The following CHST9 variants were observed in gnomAD, a reference collection of about 807,000 sequenced individuals.
CHST9 encodes GalNAc-4-sulfotransferase 2.
A neutral mutation model predicts 44.4 loss-of-function variants in CHST9; 41 were observed. The observed-to-expected ratio is 0.92, with a 90% confidence interval of 0.72 to 1.20. The LOEUF (loss-of-function observed/expected upper bound fraction) is 1.20, where lower values mean the gene tolerates loss of function less well. Among genes scored for constraint, CHST9 ranks in the 50% most tolerant of loss-of-function variants. CHST9 has a pLI of 0.00. For synonymous variants in CHST9, 171 were observed against 178.4 expected, an observed-to-expected ratio of 0.96 and a Z score of 0.33; for missense variants, 504 against 516.5, an observed-to-expected ratio of 0.98 and a Z score of 0.23.
chr18:27,141,324 C>T (rs142113185), intron 2 of CHST9, among the ~76,000 whole-genome samples: 20 of 151,248 alleles, frequency 1.3e-4, no homozygotes, highest in South Asian at 6.3e-4. Flanking sequence ...GAGATCGCGC[C>T]ACTGCACTCC....
At chr18:27,108,978 C>T (rs190255350) in intron 2 of CHST9, among the ~76,000 whole-genome samples, 2 of 152,288 alleles carry the variant, frequency 1.3e-5, no homozygotes, top group African/African-American at 4.8e-5. Flanking sequence ...TACTACAGTC[C>T]TTACTACGCA....
At chr18:27,158,677 C>G (rs1447449645) in intron 1 of CHST9, among the ~76,000 whole-genome samples, 1 of 151,998 alleles carries the variant, frequency 6.6e-6, no homozygotes. Context: ...GAGGAATCGC[C>G]ACACTGACTT....
intron 3 of CHST9, among the ~76,000 whole-genome samples, chr18:27,040,862 G>A (rs934574630): frequency 7.2e-5 from 11 of 152,092 alleles, no homozygotes. Flanking sequence ...TACCCTGTGT[G>A]AAAATCAGGT....
At chr18:27,001,846 A>G (rs775868929) in intron 4 of CHST9, among the ~76,000 whole-genome samples, 2 of 152,202 alleles carry the variant, frequency 1.3e-5, no homozygotes, top group African/African-American at 2.4e-5. Flanking sequence ...GAGGAATGGC[A>G]TAGAATCAGA....
At chr18:27,053,137 GAAGAAGAAGAAGAA>G (rs1568150802) in intron 2 of CHST9, among the ~76,000 whole-genome samples, 13 of 83,794 alleles carry the variant, frequency 1.6e-4, no homozygotes, top group African/African-American at 4.6e-4. Flanking sequence ...AGAGGAAGAA[GAAGAAGAAGAAGAA>G]GAAGAAGAAG....
intron 2 of CHST9, among the ~76,000 whole-genome samples, chr18:27,131,569 A>T (rs1057033019): frequency 6.6e-6 from 1 of 152,100 alleles, no homozygotes; most frequent in Non-Finnish European, 1.5e-5. Flanking sequence ...AAAACAGAAC[A>T]AAAAAACAAA....
intron 2 of CHST9, among the ~76,000 whole-genome samples, chr18:27,110,915 A>T (rs1241741245): frequency 6.6e-6 from 1 of 152,210 alleles, no homozygotes; most frequent in African/African-American, 2.4e-5. Context: ...ACATTTTCAG[A>T]AACTCTGGAG....
Position 27,041,897 on chromosome 18 carries a change from C to T in CHST9, c.160+6568G>A, listed in dbSNP as rs577390784. On this transcript the variant is annotated intron_variant, in intron 3 of 5. Coordinates refer to ENST00000618847, the MANE Select transcript of CHST9 (RefSeq NM_031422.6). ...GTCTTCCATTTTGAGGAAGGGAAAA[C>T]GCATCTAAGAGACTTCATTTCATTC... Among the ~76,000 whole-genome samples, 10 of 152,188 alleles carry T rather than the reference C, an allele frequency of 6.6e-5. No homozygotes were observed. In the East Asian group the frequency reaches 1.4e-3, roughly 21 times the overall value.
intron 2 of CHST9, among the ~76,000 whole-genome samples, chr18:27,084,465 T>C (rs1598710053): frequency 6.6e-6 from 1 of 151,304 alleles, no homozygotes; most frequent in Non-Finnish European, 1.5e-5. Context: ...TGGGTTTTTT[T>C]TTTTTTATTT....
intron 3 of CHST9, 85 bp from the exon 4 acceptor site, chr18:27,024,242 G>A: frequency 9.5e-7 from 1 of 1,048,752 alleles, no homozygotes. Context: ...ATGCCTCAAA[G>A]CCTCTCATAT....
At chr18:27,085,627 T>TG (rs1341822739) in intron 2 of CHST9, among the ~76,000 whole-genome samples, 1 of 152,120 alleles carries the variant, frequency 6.6e-6, no homozygotes, top group Admixed American at 6.5e-5. Flanking sequence ...CAACAGATGT[T>TG]GGCAAGGTTG....
chr18:26,951,446 G>T (rs1025137677), intron 4 of CHST9, among the ~76,000 whole-genome samples: 2 of 152,148 alleles, frequency 1.3e-5, no homozygotes, highest in Admixed American at 1.3e-4. Context: ...TTATGATTCT[G>T]CATTTCAGAA....
chr18:26,973,427 A>G (rs1311500547), intron 4 of CHST9, among the ~76,000 whole-genome samples: 1 of 152,212 alleles, frequency 6.6e-6, no homozygotes, highest in Non-Finnish European at 1.5e-5. Flanking sequence ...CAGTGCGTAG[A>G]AGGCCCCGGG....
chr18:26,967,927 C>T (rs140339346), intron 4 of CHST9, among the ~76,000 whole-genome samples: 88 of 152,312 alleles, frequency 5.8e-4, no homozygotes, highest in African/African-American at 2.1e-3. Flanking sequence ...TGGATGCTTC[C>T]TGCCCTCGAA....
At chr18:27,040,969 A>T (rs2057438627) in intron 3 of CHST9, among the ~76,000 whole-genome samples, 1 of 152,148 alleles carries the variant, frequency 6.6e-6, no homozygotes, top group Non-Finnish European at 1.5e-5. Context: ...TGACACTTTC[A>T]GCTAGTCAAA....
At chr18:27,149,890 C>A (rs905200825) in intron 1 of CHST9, among the ~76,000 whole-genome samples, 1 of 151,948 alleles carries the variant, frequency 6.6e-6, no homozygotes, top group Admixed American at 6.6e-5. Context: ...GTTCAAGTTT[C>A]ATTTTTCTTT....
intron 3 of CHST9, among the ~76,000 whole-genome samples, chr18:27,035,357 T>C (rs953538466): frequency 2.0e-5 from 3 of 152,196 alleles, no homozygotes; most frequent in Non-Finnish European, 4.4e-5. Flanking sequence ...ATGGTTTTTG[T>C]TGTTATTTTT....
chr18:27,143,220 A>G (rs1201847547), intron 1 of CHST9, among the ~76,000 whole-genome samples: 1 of 152,212 alleles, frequency 6.6e-6, no homozygotes, highest in Non-Finnish European at 1.5e-5. Flanking sequence ...AATAATTGCA[A>G]GTAGGAAGAA....
intron 5 of CHST9, among the ~76,000 whole-genome samples, chr18:26,939,400 C>G (rs1479745011): frequency 6.6e-6 from 1 of 152,092 alleles, no homozygotes; most frequent in African/African-American, 2.4e-5. Flanking sequence ...AGAATCCTCT[C>G]CAAAGGAGTA....
Sources: gnomAD v4.1 joint callset for allele counts (sites outside exome capture counted in the v4.1 genomes callset) on GRCh38, gnomAD v4.1.1 for gene constraint, MANE v1.5 for transcripts, NCBI Gene and HGNC (gene_info 2026-07-23, HGNC 2026-07-21) for gene names.